PIK3R3: variants seen among roughly 807,000 people sequenced by gnomAD.
PIK3R3 encodes the protein phosphoinositide-3-kinase regulatory subunit 3.
Under a neutral mutation model 62.9 loss-of-function variants are expected in PIK3R3, and 64 were observed. That is an observed-to-expected ratio of 1.02 (90% CI 0.83 to 1.25). The LOEUF (loss-of-function observed/expected upper bound fraction) is 1.25, where lower values mean the gene tolerates loss of function less well. Among genes scored for constraint, PIK3R3 ranks in the 50% most tolerant of loss-of-function variants. The pLI, the probability that PIK3R3 is intolerant of heterozygous loss-of-function variation, is 0.00. For missense variants in PIK3R3, 614 were observed against 561.6 expected (o/e 1.09, Z -0.94); for synonymous variants, 165 against 189.0 (o/e 0.87, Z 1.04).
At chr1:46,046,853 G>T in intron 7 of PIK3R3, 1 of 551,118 alleles carries the variant, frequency 1.8e-6, no homozygotes, top group South Asian at 2.6e-5. Context: ...AGGGCTACTT[G>T]AAATTAGGCC....
chr1:46,043,997 G>C, intron 9 of PIK3R3, 126 bp from the exon 10 acceptor site: 1 of 784,150 alleles, frequency 1.3e-6, no homozygotes, highest in Admixed American at 2.5e-5. Context: ...GGCAAAGCTT[G>C]TGAAATTGCG....
At chr1:46,074,885 A>G (rs1013740759) in intron 3 of PIK3R3, among the ~76,000 whole-genome samples, 1 of 152,212 alleles carries the variant, frequency 6.6e-6, no homozygotes, top group Non-Finnish European at 1.5e-5. Context: ...ATTGTAATTC[A>G]GCTAATCACA....
At chr1:46,140,062 C>T in the PIK3R3 span, among the ~76,000 whole-genome samples, 1 of 152,184 alleles carries the variant, frequency 6.6e-6, no homozygotes, top group Non-Finnish European at 1.5e-5. Flanking sequence ...GATCATGGCC[C>T]ACTGCAGCCT....
rs371558010 is a variant in PIK3R3, at chr1:46,044,106, C to T, written c.1188-235G>A. Among the ~76,000 whole-genome samples, 2 of 151,034 alleles carry T rather than the reference C, an allele frequency of 1.3e-5. No homozygotes were observed. The highest frequency in any genetic ancestry group is 2.4e-5 in the African/African-American group (1 of 41,080). On this transcript the variant is annotated intron_variant, in intron 9 of 9. Transcript: ENST00000262741. This position sits in a 1 kb window ranked among gnomAD's most constrained non-coding sequence, Gnocchi z 4.2. ...TTTTTTTTTTTTTTAGACAGGGTCT[C>T]GCTCTATCACGAAAGCTAGGGTACA... is the stretch of plus-strand genomic sequence containing the variant.
the PIK3R3 span, chr1:46,139,155 G>A: frequency 6.7e-4 from 102 of 152,244 alleles, no homozygotes; most frequent in African/African-American, 2.3e-3. Flanking sequence ...AGTTCAAAAT[G>A]ACAAGCTCTT....
chr1:46,045,427 A>G (rs987884918), intron 9 of PIK3R3, among the ~76,000 whole-genome samples: 4 of 152,136 alleles, frequency 2.6e-5, no homozygotes, highest in Non-Finnish European at 5.9e-5. Flanking sequence ...CTTTTCTCAA[A>G]AAAGTCACGA....
At chr1:46,155,751 C>A in the PIK3R3 span, among the ~76,000 whole-genome samples, 1 of 152,168 alleles carries the variant, frequency 6.6e-6, no homozygotes, top group Non-Finnish European at 1.5e-5. Flanking sequence ...TGTGAGCCAC[C>A]ATGCCCAGCC....
At chr1:46,147,725 A>G in the PIK3R3 span, among the ~76,000 whole-genome samples, 1 of 152,122 alleles carries the variant, frequency 6.6e-6, no homozygotes, top group African/African-American at 2.4e-5. Context: ...ATGCCCAGCC[A>G]GAACTCTGTT....
intron 6 of PIK3R3, among the ~76,000 whole-genome samples, chr1:46,058,697 A>G (rs1648180232): frequency 1.3e-5 from 2 of 152,200 alleles, no homozygotes; most frequent in Non-Finnish European, 2.9e-5. Flanking sequence ...TCCATTTGGA[A>G]CAGGTGTATT....
At chr1:46,130,176 C>A (rs2149479313) in intron 1 of PIK3R3, among the ~76,000 whole-genome samples, 1 of 152,300 alleles carries the variant, frequency 6.6e-6, no homozygotes, top group African/African-American at 2.4e-5. Flanking sequence ...CTTTGTATGT[C>A]TGCAAGGCAA....
At chr1:46,149,208 A>T in the PIK3R3 span, among the ~76,000 whole-genome samples, 3 of 152,072 alleles carry the variant, frequency 2.0e-5, no homozygotes, top group African/African-American at 7.2e-5. Flanking sequence ...GGATCACCTG[A>T]GGTCAGGAGT....
At chr1:46,123,047 A>T (rs776120019) in intron 1 of PIK3R3, among the ~76,000 whole-genome samples, 12 of 152,102 alleles carry the variant, frequency 7.9e-5, no homozygotes, top group Non-Finnish European at 7.4e-5. Context: ...TGCACCCCTC[A>T]GTGACAAAAT....
intron 3 of PIK3R3, among the ~76,000 whole-genome samples, chr1:46,068,683 C>A (rs1293985727): frequency 4.6e-5 from 7 of 152,000 alleles, no homozygotes; most frequent in Non-Finnish European, 1.0e-4. Context: ...GAGAGAGGTG[C>A]GGTAAGGGCA....
chr1:46,096,446 T>A (rs963840830), intron 1 of PIK3R3, among the ~76,000 whole-genome samples: 2 of 152,334 alleles, frequency 1.3e-5, no homozygotes, highest in East Asian at 3.9e-4. Flanking sequence ...CTAGGCAGAT[T>A]TCACTGGAAT....
chr1:46,047,709 C>A (rs1313141722), intron 7 of PIK3R3, among the ~76,000 whole-genome samples: 2 of 152,210 alleles, frequency 1.3e-5, no homozygotes, highest in East Asian at 3.8e-4. Context: ...ACTCTCTACA[C>A]TTTACCTTGT....
the PIK3R3 span, among the ~76,000 whole-genome samples, chr1:46,168,381 G>T: frequency 6.6e-6 from 1 of 152,098 alleles, no homozygotes; most frequent in Admixed American, 6.5e-5. Flanking sequence ...CTGTGTCCTT[G>T]GTGCCAAGGG....
At chr1:46,108,241 T>C (rs1467385575) in intron 1 of PIK3R3, among the ~76,000 whole-genome samples, 1 of 152,248 alleles carries the variant, frequency 6.6e-6, no homozygotes, top group Non-Finnish European at 1.5e-5. Context: ...GCTTTTTATA[T>C]GAATGTATCA....
At chr1:46,105,972 CAAT>C (rs1402281956) in intron 1 of PIK3R3, among the ~76,000 whole-genome samples, 7 of 152,260 alleles carry the variant, frequency 4.6e-5, no homozygotes, top group South Asian at 2.1e-4. Flanking sequence ...AAAAAAATTA[CAAT>C]GATGACTGCT....
At chr1:46,152,724 G>A in the PIK3R3 span, among the ~76,000 whole-genome samples, 1 of 152,064 alleles carries the variant, frequency 6.6e-6, no homozygotes, top group African/African-American at 2.4e-5. Context: ...CACCACGCCT[G>A]GCTAATTTTT....
Sources: allele counts gnomAD v4.1 joint callset (sites outside exome capture counted in the v4.1 genomes callset), GRCh38; gene constraint gnomAD v4.1.1; non-coding constraint Gnocchi (gnomAD v3.1); transcripts MANE v1.5; gene names NCBI Gene and HGNC (gene_info 2026-07-23, HGNC 2026-07-21).